The following EPB41L3 variants were observed in gnomAD, a reference collection of about 807,000 sequenced individuals.
The protein encoded by EPB41L3 is band 4.1-like protein 3.
A neutral mutation model predicts 127.1 loss-of-function variants in EPB41L3; 57 were observed. That is an observed-to-expected ratio of 0.45 (90% CI 0.36 to 0.56). The LOEUF is 0.56. EPB41L3 is among the 20% of genes least tolerant of loss of function. The pLI, the probability that EPB41L3 is intolerant of heterozygous loss-of-function variation, is 0.00. For missense variants in EPB41L3, 1,273 were observed against 1,372.2 expected (o/e 0.93, Z 1.14); for synonymous variants, 572 against 549.5 (o/e 1.04, Z -0.57).
chr18:5,468,286 T>C (rs1310225973), intron 3 of EPB41L3, among the ~76,000 whole-genome samples: 1 of 152,146 alleles, frequency 6.6e-6, no homozygotes, highest in Non-Finnish European at 1.5e-5. Flanking sequence ...GGCAGGCTCC[T>C]GGCAGAAAGG....
chr18:5,519,785 T>C (rs1420312942), intron 1 of EPB41L3, among the ~76,000 whole-genome samples: 1 of 152,240 alleles, frequency 6.6e-6, no homozygotes, highest in African/African-American at 2.4e-5. Flanking sequence ...TTCTCTTTCC[T>C]ACATTTGCGG....
intron 3 of EPB41L3, among the ~76,000 whole-genome samples, chr18:5,597,381 T>A (rs1302520886): frequency 1.3e-5 from 2 of 152,200 alleles, no homozygotes; most frequent in African/African-American, 4.8e-5. Flanking sequence ...CCTGCTGAGA[T>A]CTGACTACAT....
At chr18:5,485,145 T>C (rs1319871169) in intron 2 of EPB41L3, among the ~76,000 whole-genome samples, 1 of 151,964 alleles carries the variant, frequency 6.6e-6, no homozygotes, top group Non-Finnish European at 1.5e-5. Flanking sequence ...GAAAAGATCA[T>C]TCACCATGAT....
At position 5,423,336 on chromosome 18, in the gene EPB41L3, G is replaced by C. The variant is rs1170590514; in HGVS notation, c.1339+42C>G. On this transcript the variant is annotated intron_variant, in intron 11 of 22. Transcript: ENST00000341928. The stretch of plus-strand genomic sequence containing the variant: ...TCATGACAGTTTCACATTCTTTTTG[G>C]GGTAGGTACTAGGTTATTAAGGGCC... 3 of 1,490,826 alleles carry C rather than the reference G, an allele frequency of 2.0e-6. No individual in the cohort carries two copies. In the African/African-American group the frequency reaches 4.2e-5, roughly 21 times the overall value. 92.3% of individuals were successfully genotyped at this position (1,490,826 alleles called of 1,614,324 possible).
rs531651733 is a variant in EPB41L3 at position 5,414,434 on chromosome 18, C to T, written c.2067+1384G>A. Among the ~76,000 whole-genome samples, 21 of 152,162 alleles carry T rather than the reference C, an allele frequency of 1.4e-4. No individual in the cohort carries two copies. The South Asian group carries it at 3.3e-3, about 24-fold the overall frequency. On this transcript the variant is annotated intron_variant, in intron 13 of 22. Transcript: ENST00000341928. ...GACCATTCACATTTTTTTCCTTCTG[C>T]TGCAAAGAAATGGTCATAATTCCAC...
At chr18:5,431,012 C>G (rs1336186203) in intron 8 of EPB41L3, among the ~76,000 whole-genome samples, 2 of 152,166 alleles carry the variant, frequency 1.3e-5, no homozygotes, top group Admixed American at 6.5e-5. Context: ...CATACGATTT[C>G]TTTAATTCAA....
chr18:5,550,023 C>G lies in EPB41L3; in HGVS notation c.-305-60862G>C, dbSNP rs547242743. The stretch of plus-strand genomic sequence containing the variant: ...GTAATAAATAACAATAAAGGATTGT[C>G]CTGTTCCCAATTCCAGCAATAATTG... On this transcript the variant is annotated intron_variant, in intron 3 of 21. Transcript: ENST00000545076. Among the ~76,000 whole-genome samples, 3 of 152,246 alleles carry G rather than the reference C, an allele frequency of 2.0e-5. No homozygotes were observed. The South Asian group carries it at 6.2e-4, about 32-fold the overall frequency.
chr18:5,463,667 A>G (rs900755153), intron 3 of EPB41L3: 1 of 152,248 alleles, frequency 6.6e-6, no homozygotes, highest in Admixed American at 6.6e-5. Context: ...CAGTTGCACA[A>G]CCACAGGGAA....
rs2143886195 is a variant in EPB41L3, at chr18:5,406,675, G to C, written c.2349+102C>G. 2.8e-6 allele frequency: 3 copies of C among 1,065,304 alleles called. No homozygotes were observed. The Admixed American group carries it at 7.7e-5, about 27-fold the overall frequency. 66.0% of individuals were successfully genotyped at this position (1,065,304 alleles called of 1,614,324 possible). On this transcript the variant is annotated intron_variant, in intron 16 of 22. Coordinates refer to ENST00000341928, the MANE Select transcript of EPB41L3 (RefSeq NM_012307.5). ...CTCAGGTTAAACATAGGTAGGAAGA[G>C]AGATTTTCTACCCAGAAGACTGTCA...
At chr18:5,592,636 A>C (rs1460692142) in intron 3 of EPB41L3, among the ~76,000 whole-genome samples, 1 of 152,190 alleles carries the variant, frequency 6.6e-6, no homozygotes, top group East Asian at 1.9e-4. Flanking sequence ...TGTGAGCAGC[A>C]AATATGGAGC....
At chr18:5,617,412 A>G (rs867821832) in intron 1 of EPB41L3, among the ~76,000 whole-genome samples, 41 of 150,166 alleles carry the variant, frequency 2.7e-4, no homozygotes, top group African/African-American at 9.1e-4. Flanking sequence ...TCCGCCTCCC[A>G]GGTTCACGCC....
At chr18:5,439,987 T>C (rs190437734) in intron 5 of EPB41L3, among the ~76,000 whole-genome samples, 53 of 152,296 alleles carry the variant, frequency 3.5e-4, no homozygotes, top group African/African-American at 1.2e-3. Context: ...AGTTAGACAC[T>C]AATAAGTAAT....
chr18:5,469,648 C>T (rs1012195579), intron 3 of EPB41L3, among the ~76,000 whole-genome samples: 2 of 152,324 alleles, frequency 1.3e-5, no homozygotes, highest in East Asian at 1.9e-4. Flanking sequence ...ATAGGCGCCA[C>T]CCGCCCTAGA....
chr18:5,421,706 A>C (rs1362250400), intron 11 of EPB41L3, among the ~76,000 whole-genome samples: 1 of 152,238 alleles, frequency 6.6e-6, no homozygotes, highest in South Asian at 2.1e-4. Flanking sequence ...TTCTACATGA[A>C]GTAACTGAGG....
chr18:5,564,836 G>T (rs2094177807), intron 3 of EPB41L3, among the ~76,000 whole-genome samples: 2 of 152,138 alleles, frequency 1.3e-5, no homozygotes, highest in Non-Finnish European at 2.9e-5. Flanking sequence ...ATGAAGGCTT[G>T]TGTATTGAGT....
At chr18:5,584,991 G>T (rs1305924399) in intron 3 of EPB41L3, among the ~76,000 whole-genome samples, 1 of 152,148 alleles carries the variant, frequency 6.6e-6, no homozygotes, top group Non-Finnish European at 1.5e-5. Flanking sequence ...TGTAGAGGAG[G>T]TACAGTTTCC....
At chr18:5,565,772 C>T (rs916035062) in intron 3 of EPB41L3, among the ~76,000 whole-genome samples, 16 of 151,810 alleles carry the variant, frequency 1.1e-4, no homozygotes, top group African/African-American at 3.9e-4. Context: ...TAATGGTTTC[C>T]AGCTTCACCC....
chr18:5,560,940 ATTATTTAT>A (rs138212314), intron 3 of EPB41L3, among the ~76,000 whole-genome samples: 29,159 of 128,940 alleles, frequency 0.23, 4,076 homozygotes, highest in Admixed American at 0.24. Context: ...CATAGTTGTA[ATTATTTAT>A]TTATTTATTT....
chr18:5,575,490 C>T (rs2094328061), intron 3 of EPB41L3, among the ~76,000 whole-genome samples: 1 of 152,064 alleles, frequency 6.6e-6, no homozygotes, highest in Non-Finnish European at 1.5e-5. Context: ...ACCCCTGCAC[C>T]CTCTTCGACT....
Sources: allele counts gnomAD v4.1 joint callset (sites outside exome capture counted in the v4.1 genomes callset), GRCh38; gene constraint gnomAD v4.1.1; transcripts MANE v1.5; gene names NCBI Gene and HGNC (gene_info 2026-07-23, HGNC 2026-07-21).